The following RLBP1 variants were observed in gnomAD, a reference collection of about 807,000 sequenced individuals.
RLBP1 encodes retinaldehyde-binding protein 1.
RLBP1 carries 26 observed loss-of-function variants against 36.2 expected under a neutral mutation model. The observed-to-expected ratio is 0.72, with a 90% CI of 0.53 to 1.00. RLBP1 has a LOEUF of 1.00. RLBP1 is among the 50% of genes least tolerant of loss of function. RLBP1 has a pLI of 0.00. For missense variants in RLBP1, 410 were observed against 402.4 expected, an observed-to-expected ratio of 1.02 and a Z score of -0.16; for synonymous variants, 155 against 156.2, an observed-to-expected ratio of 0.99 and a Z score of 0.06.
At chr15:89,212,577 CTG>C (rs2051546902) in intron 6 of RLBP1, among the ~76,000 whole-genome samples, 1 of 125,768 alleles carries the variant, frequency 8.0e-6, no homozygotes, top group Non-Finnish European at 1.6e-5. Flanking sequence ...AAGAGCAAAA[CTG>C]TGTCTCAAAA....
chr15:89,217,795 T>C (rs777746242), intron 4 of RLBP1, among the ~76,000 whole-genome samples: 1 of 152,108 alleles, frequency 6.6e-6, no homozygotes, highest in Non-Finnish European at 1.5e-5. Context: ...CCTCCCAGGC[T>C]TGATTCTGAT....
intron 2 of RLBP1, among the ~76,000 whole-genome samples, chr15:89,219,373 A>G (rs1227239457): frequency 1.3e-5 from 2 of 152,196 alleles, no homozygotes; most frequent in East Asian, 1.9e-4. Context: ...CCTGCCAGGA[A>G]AAAAAGAATC....
chr15:89,218,998 T>C lies in RLBP1; in HGVS notation c.-23A>G. 5.0e-6 allele frequency: 8 copies of C among 1,613,854 alleles called. No homozygotes were observed. The highest frequency in any genetic ancestry group is 6.8e-6 in the Non-Finnish European group (8 of 1,179,928). Reference sequence around the variant, plus strand: ...CATGTTGCCTATGGAAGACACAGAGTCCTTGGAAAAAGAAGGGATCTGCTT... The same window carrying C: ...CATGTTGCCTATGGAAGACACAGAGCCCTTGGAAAAAGAAGGGATCTGCTT... On this transcript the variant is annotated 5_prime_UTR_variant, in exon 3 of 9. Transcript: ENST00000268125. This position sits in a 1 kb window ranked among gnomAD's most constrained non-coding sequence, Gnocchi z 4.6.
At position 89,210,035 on chromosome 15, in the gene RLBP1, T is replaced by G. The variant is rs935215274; in HGVS notation, c.*250A>C. On this transcript the variant is annotated 3_prime_UTR_variant, in exon 9 of 9. Coordinates refer to ENST00000268125, the MANE Select transcript of RLBP1 (RefSeq NM_000326.5). The surrounding 1 kb of genome is among the most constrained non-coding windows in gnomAD (Gnocchi z 4.7). ...TTTGAAATACAACCTTACACAAAAA[T>G]CACTGTCTTAAAGCTTCAAGGGCAG... The G allele has an allele frequency of 3.7e-6, 2 of 545,888 alleles. No individual in the cohort carries two copies. Among genetic ancestry groups the G allele is most frequent in the Admixed American group, 6.2e-5 (2 of 32,208 alleles). 33.8% of individuals were successfully genotyped at this position (545,888 alleles called of 1,614,324 possible). A position where few individuals can be genotyped will look rare whatever the true frequency, so the allele number is the denominator to read the frequency against.
rs751253189 is a variant in RLBP1, at chr15:89,218,696, G to A, written c.13-3C>T. The A allele has an allele frequency of 1.2e-6, 2 of 1,614,044 alleles. No homozygotes were observed. Among genetic ancestry groups the A allele is most frequent in the Non-Finnish European group, 1.7e-6 (2 of 1,180,048 alleles). On this transcript the variant is annotated splice_region_variant and splice_polypyrimidine_tract_variant and intron_variant, in intron 3 of 8. Transcript: ENST00000268125. This position sits in a 1 kb window ranked among gnomAD's most constrained non-coding sequence, Gnocchi z 4.6. Reference sequence around the variant, plus strand: ...GGTACCATGCGGAACGTGCCCACCTGGGCAGAGAAAGGAAAAAGAGGAACA... The same window carrying A: ...GGTACCATGCGGAACGTGCCCACCTAGGCAGAGAAAGGAAAAAGAGGAACA...
chr15:89,218,753 A>G lies in RLBP1; in HGVS notation c.13-60T>C. 6.2e-7 allele frequency: 1 copy of G among 1,609,896 alleles called. No homozygotes were observed. The highest frequency in any genetic ancestry group is 8.5e-7 in the Non-Finnish European group (1 of 1,179,632). ...CGCATCAGCCTGAGCCAGCCAGGGA[A>G]ATGGGCCTGCTCAGACCTTCAGTTC... is the stretch of plus-strand genomic sequence containing the variant. On this transcript the variant is annotated intron_variant, in intron 3 of 8. Transcript: ENST00000268125. The surrounding 1 kb of genome is among the most constrained non-coding windows in gnomAD (Gnocchi z 4.6).
chr15:89,215,442 G>T (rs2051572457), intron 5 of RLBP1, among the ~76,000 whole-genome samples: 1 of 152,180 alleles, frequency 6.6e-6, no homozygotes, highest in African/African-American at 2.4e-5. Flanking sequence ...CTAGATAGTG[G>T]CCTATCTCAC....
intron 5 of RLBP1, among the ~76,000 whole-genome samples, chr15:89,216,375 T>C (rs1175174987): frequency 1.3e-5 from 2 of 151,634 alleles, no homozygotes; most frequent in Non-Finnish European, 2.9e-5. Context: ...CAGGCTGGAG[T>C]GCAATGGCAC....
intron 5 of RLBP1, among the ~76,000 whole-genome samples, chr15:89,215,546 A>G (rs1035399465): frequency 2.6e-5 from 4 of 152,190 alleles, no homozygotes; most frequent in African/African-American, 9.7e-5. Context: ...GAGGATAATC[A>G]TTACTTGTTA....
rs144615495 is a variant in RLBP1, at chr15:89,210,315, G to C, written c.924C>G (p.Pro308=). 1.2e-3 allele frequency: 1,990 copies of C among 1,614,204 alleles called. 2 individuals are homozygous for C. Among genetic ancestry groups the C allele is most frequent in the Non-Finnish European group, 1.6e-3 (1,836 of 1,180,038 alleles). The change falls in exon 9 of 9, where the codon CCC becomes CCG. Residue 308 remains proline (P), a synonymous_variant. Transcript: ENST00000268125. The surrounding 1 kb of genome is among the most constrained non-coding windows in gnomAD (Gnocchi z 4.7). ...AGGCTGTGTTCTCAGCTTGGGCCTG[G>C]GGGCCAAAGAGCTGCTCAGCAACGG... ...GKAVAEQLFG[P]QAQAENTAF
Position 89,211,786 on chromosome 15 carries a change from C to CTT in RLBP1, c.640_641insAA (p.Ser214LysfsTer46). 1 of 1,614,172 alleles carries CTT rather than the reference C, an allele frequency of 6.2e-7. No homozygotes were observed. The highest frequency in any genetic ancestry group is 1.7e-5 in the Admixed American group (1 of 60,024). ...CTTCCTGAGATCTGAAGTCCGGAGA[C>CTT]TAGCAGCCTGCTGCATGGTAAAGCC... On this transcript the variant is annotated frameshift_variant, in exon 7 of 9. Transcript: ENST00000268125. LOFTEE classifies it high-confidence loss of function. The surrounding 1 kb of genome is among the most constrained non-coding windows in gnomAD (Gnocchi z 5.8).
At position 89,218,698 on chromosome 15, in the gene RLBP1, G is replaced by A; in HGVS notation, c.13-5C>T. On this transcript the variant is annotated splice_region_variant and splice_polypyrimidine_tract_variant and intron_variant, in intron 3 of 8. Coordinates refer to ENST00000268125, the MANE Select transcript of RLBP1 (RefSeq NM_000326.5). This position sits in a 1 kb window ranked among gnomAD's most constrained non-coding sequence, Gnocchi z 4.6. ...TACCATGCGGAACGTGCCCACCTGG[G>A]CAGAGAAAGGAAAAAGAGGAACAGC... The A allele has an allele frequency of 6.2e-7, 1 of 1,613,980 alleles. No individual in the cohort carries two copies. The highest frequency in any genetic ancestry group is 1.3e-5 in the African/African-American group (1 of 75,060).
In RLBP1 at chr15:89,219,805, A is replaced by T. The variant is rs903050784; in HGVS notation, c.-169T>A. 3 of 152,342 alleles carry T rather than the reference A, an allele frequency of 2.0e-5. No individual in the cohort carries two copies. The highest frequency in any genetic ancestry group is 4.4e-5 in the Non-Finnish European group (3 of 68,168). The allele number at this position is 152,342 out of a possible 1,614,324, so 9.4% of individuals were successfully genotyped here. ...GGCGCAAAAGTTGGACCTGGGTTCA[A>T]GTTCTTCTCTTCCACTTGCAGGCTG... On this transcript the variant is annotated 5_prime_UTR_variant, in exon 2 of 9. In the 5' UTR this introduces an upstream ATG that the reference lacks. Coordinates refer to ENST00000268125, the MANE Select transcript of RLBP1 (RefSeq NM_000326.5).
rs752797972 is a variant in RLBP1 at position 89,219,010 on chromosome 15, G to T, written c.-35C>A. The T allele has an allele frequency of 6.2e-7, 1 of 1,613,990 alleles. No homozygotes were observed. The highest frequency in any genetic ancestry group is 1.7e-5 in the Admixed American group (1 of 60,028). ...GGAAGACACAGAGTCCTTGGAAAAA[G>T]AAGGGATCTGCTTTCTCTGTCCTGG... On this transcript the variant is annotated 5_prime_UTR_variant, in exon 3 of 9. Transcript: ENST00000268125.
At chr15:89,213,432 T>C (rs907428135) in intron 6 of RLBP1, among the ~76,000 whole-genome samples, 3 of 152,046 alleles carry the variant, frequency 2.0e-5, no homozygotes, top group Non-Finnish European at 2.9e-5. Context: ...TAGGGGGATA[T>C]ACAATTAAAA....
In RLBP1 at chr15:89,211,426, T is replaced by C. The variant is rs143150588; in HGVS notation, c.684+317A>G. 5.2e-3 allele frequency among the ~76,000 whole-genome samples: 796 copies of C among 152,350 alleles called. 4 individuals are homozygous for C. The highest frequency in any genetic ancestry group is 0.017 in the Middle Eastern group (5 of 294). On this transcript the variant is annotated intron_variant, in intron 7 of 8. Transcript: ENST00000268125. This position sits in a 1 kb window ranked among gnomAD's most constrained non-coding sequence, Gnocchi z 5.8. The stretch of plus-strand genomic sequence containing the variant: ...AGGTCAGAAGATGCAGGTTCAAGTC[T>C]GGCCTCTGCCGCTTTATTGCTGTGT...
At chr15:89,217,651 A>G (rs759350803) in intron 4 of RLBP1, among the ~76,000 whole-genome samples, 118 of 152,322 alleles carry the variant, frequency 7.7e-4, no homozygotes, top group Non-Finnish European at 1.2e-3. Context: ...ACAGACCATC[A>G]TGGTAGGTGT....
In RLBP1 at chr15:89,218,590, T is replaced by G. The variant is rs758111666; in HGVS notation, c.116A>C (p.Gln39Pro). ...DHGPVFGPCS[Q>P]LPRHTLQKAK... ...CTTCTGCAAGGTGTGGCGGGGCAGC[T>G]GGCTGCACGGGCCAAAGACAGGTCC... The change falls in exon 4 of 9, where the codon CAG becomes CCG. Residue 39 changes from glutamine to proline, a missense_variant. Coordinates refer to ENST00000268125, the MANE Select transcript of RLBP1 (RefSeq NM_000326.5). This position sits in a 1 kb window ranked among gnomAD's most constrained non-coding sequence, Gnocchi z 4.6. 1.9e-6 allele frequency: 3 copies of G among 1,614,016 alleles called. No individual in the cohort carries two copies. In the East Asian group the frequency reaches 6.7e-5, roughly 36 times the overall value.
At position 89,214,949 on chromosome 15, in the gene RLBP1, C is replaced by T. The variant is rs2051566811; in HGVS notation, c.525+111G>A. 1 of 1,169,438 alleles carries T rather than the reference C, an allele frequency of 8.6e-7. No individual in the cohort carries two copies. Among genetic ancestry groups the T allele is most frequent in the African/African-American group, 1.5e-5 (1 of 66,532 alleles). The allele number at this position is 1,169,438 out of a possible 1,614,324, so 72.4% of individuals were successfully genotyped here. On this transcript the variant is annotated intron_variant, in intron 6 of 8. Coordinates refer to ENST00000268125, the MANE Select transcript of RLBP1 (RefSeq NM_000326.5). This position sits in a 1 kb window ranked among gnomAD's most constrained non-coding sequence, Gnocchi z 4.6. The stretch of plus-strand genomic sequence containing the variant: ...GTGGCAGGTGGCTGCCCACCTTTCC[C>T]CCTCTACAGACCTTGCCTCCTGGAG...
Sources: gnomAD v4.1 joint callset for allele counts (sites outside exome capture counted in the v4.1 genomes callset) on GRCh38, gnomAD v4.1.1 for gene constraint, Gnocchi (gnomAD v3.1) non-coding constraint, MANE v1.5 for transcripts, NCBI Gene and HGNC (gene_info 2026-07-23, HGNC 2026-07-21) for gene names.